The following EPHA6 variants were observed in gnomAD, a reference collection of about 807,000 sequenced individuals.
EPHA6 encodes EPH receptor A6.
EPHA6 carries 50 observed loss-of-function variants against 112.0 expected under a neutral mutation model. The observed-to-expected ratio is 0.45, with a 90% CI of 0.36 to 0.56. EPHA6 has a LOEUF of 0.56. EPHA6 is among the 20% of genes least tolerant of loss of function. The pLI is 0.00. For missense variants in EPHA6, 1,280 were observed against 1,417.4 expected, an observed-to-expected ratio of 0.90 and a Z score of 1.56; for synonymous variants, 529 against 490.7, an observed-to-expected ratio of 1.08 and a Z score of -1.03.
intron 3 of EPHA6, among the ~76,000 whole-genome samples, chr3:97,121,209 A>C (rs1443290173): frequency 6.6e-6 from 1 of 152,050 alleles, no homozygotes; most frequent in African/African-American, 2.4e-5. Flanking sequence ...CCTTTAGAGA[A>C]TCTGGTTACA....
intron 3 of EPHA6, among the ~76,000 whole-genome samples, chr3:97,148,065 T>C (rs1274810847): frequency 6.6e-6 from 1 of 152,126 alleles, no homozygotes; most frequent in Admixed American, 6.6e-5. Flanking sequence ...TTTATAAAAA[T>C]GCATTTATGA....
chr3:96,943,236 A>C (rs1404486099), intron 2 of EPHA6, among the ~76,000 whole-genome samples: 4 of 152,034 alleles, frequency 2.6e-5, no homozygotes, highest in Non-Finnish European at 5.9e-5. Context: ...TTCATCTGCT[A>C]CCTATTGTAT....
chr3:97,343,291 T>C (rs2083398614), intron 5 of EPHA6, among the ~76,000 whole-genome samples: 1 of 152,134 alleles, frequency 6.6e-6, no homozygotes, highest in Non-Finnish European at 1.5e-5. Flanking sequence ...TAAATTGTGT[T>C]TGTGTTCTAG....
intron 5 of EPHA6, among the ~76,000 whole-genome samples, chr3:97,340,739 C>A (rs114480220): frequency 0.018 from 2,736 of 152,274 alleles, 70 homozygotes; most frequent in African/African-American, 0.061. Flanking sequence ...TTATTGTGTT[C>A]TCACTGGGTC....
chr3:97,649,677 AAAC>A (rs1351483889), intron 14 of EPHA6, among the ~76,000 whole-genome samples: 1 of 152,040 alleles, frequency 6.6e-6, no homozygotes, highest in African/African-American at 2.4e-5. Context: ...GAAAAGTGAA[AAAC>A]AACAAAAATC....
intron 4 of EPHA6, among the ~76,000 whole-genome samples, chr3:97,243,525 A>G (rs2108580680): frequency 6.6e-6 from 1 of 151,954 alleles, no homozygotes; most frequent in Non-Finnish European, 1.5e-5. Flanking sequence ...TAGTATGAAG[A>G]CTGAAAAACT....
At chr3:97,510,267 CA>C (rs1192841962) in intron 10 of EPHA6, among the ~76,000 whole-genome samples, 1 of 152,166 alleles carries the variant, frequency 6.6e-6, no homozygotes, top group African/African-American at 2.4e-5. Flanking sequence ...GGAGAATTCT[CA>C]CTCTAGTTTT....
intron 3 of EPHA6, among the ~76,000 whole-genome samples, chr3:97,193,004 G>T (rs1030179349): frequency 2.2e-4 from 34 of 152,112 alleles, no homozygotes; most frequent in African/African-American, 6.0e-4. Flanking sequence ...CTTCGTGTCT[G>T]TTTTTATGCC....
chr3:97,715,569 CAG>C (rs2034180301), intron 14 of EPHA6, among the ~76,000 whole-genome samples: 1 of 152,122 alleles, frequency 6.6e-6, no homozygotes, highest in Non-Finnish European at 1.5e-5. Context: ...AAATGAGAAA[CAG>C]AGAGAGACAT....
rs539984915 is a variant in EPHA6 at position 97,505,325 on chromosome 3, G to T, written c.2200+21266G>T. ...ATCTACATTAGGTATTTCTTCTAAT[G>T]CTATCCCTCCCCTAGCCCCCCACCC... On this transcript the variant is annotated intron_variant, in intron 10 of 17. Transcript: ENST00000389672. Among the ~76,000 whole-genome samples, 4 of 152,152 alleles carry T rather than the reference G, an allele frequency of 2.6e-5. No homozygotes were observed. In the East Asian group the frequency reaches 7.7e-4, roughly 29 times the overall value.
At chr3:97,673,212 T>A (rs756501778) in intron 14 of EPHA6, among the ~76,000 whole-genome samples, 21 of 152,170 alleles carry the variant, frequency 1.4e-4, no homozygotes, top group Non-Finnish European at 2.6e-4. Context: ...CTTGCAAAAA[T>A]TCAATTCTGA....
intron 3 of EPHA6, among the ~76,000 whole-genome samples, chr3:96,991,031 C>T (rs1214800618): frequency 2.0e-5 from 3 of 151,286 alleles, no homozygotes; most frequent in African/African-American, 7.4e-5. Context: ...ATTCTGTCAC[C>T]CAGGCTGGAG....
At chr3:97,589,530 AT>A (rs1453111820) in intron 11 of EPHA6, among the ~76,000 whole-genome samples, 6 of 151,330 alleles carry the variant, frequency 4.0e-5, no homozygotes, top group African/African-American at 9.8e-5. Context: ...TTGAGAAATA[AT>A]TTTTTTTCAG....
Position 97,672,455 on chromosome 3 carries a change from G to T in EPHA6, c.2784+34373G>T, listed in dbSNP as rs557756222. ...TTTATTTTTACTTGTTGGTGGGAGT[G>T]GGGGGTGGTGAAGGTGGGGAGAGGA... On this transcript the variant is annotated intron_variant, in intron 14 of 17. Transcript: ENST00000389672. Among the ~76,000 whole-genome samples, 24 of 152,164 alleles carry T rather than the reference G, an allele frequency of 1.6e-4. No homozygotes were observed. The South Asian group carries it at 4.8e-3, about 30-fold the overall frequency.
At chr3:97,300,914 G>A (rs77027471) in intron 5 of EPHA6, among the ~76,000 whole-genome samples, 1,971 of 152,212 alleles carry the variant, frequency 0.013, 38 homozygotes, top group African/African-American at 0.044. Context: ...CAGTAACACT[G>A]CATCCTGTGA....
intron 1 of EPHA6, among the ~76,000 whole-genome samples, chr3:96,815,694 C>A (rs905853050): frequency 6.6e-6 from 1 of 151,952 alleles, no homozygotes; most frequent in Non-Finnish European, 1.5e-5. Flanking sequence ...GACTTTGTTT[C>A]GGTGGGTAAA....
chr3:97,584,579 G>T (rs1045651113), intron 11 of EPHA6, among the ~76,000 whole-genome samples: 2 of 152,164 alleles, frequency 1.3e-5, no homozygotes, highest in African/African-American at 4.8e-5. Context: ...TTGCCACTAT[G>T]ATTGACTTCT....
At chr3:96,991,870 C>G (rs1279377710) in intron 3 of EPHA6, among the ~76,000 whole-genome samples, 1 of 152,164 alleles carries the variant, frequency 6.6e-6, no homozygotes, top group East Asian at 1.9e-4. Flanking sequence ...AAAATTTTCT[C>G]CCATTCCGAA....
chr3:97,582,190 C>T (rs192350291), intron 11 of EPHA6, among the ~76,000 whole-genome samples: 7 of 151,892 alleles, frequency 4.6e-5, no homozygotes, highest in East Asian at 1.9e-4. Context: ...CCACCACACC[C>T]GGATAATTTT....
Sources: allele counts gnomAD v4.1 joint callset (sites outside exome capture counted in the v4.1 genomes callset), GRCh38; gene constraint gnomAD v4.1.1; transcripts MANE v1.5; gene names NCBI Gene and HGNC (gene_info 2026-07-23, HGNC 2026-07-21).